The following CUX2 variants were observed in gnomAD, a reference collection of about 807,000 sequenced individuals.
The protein encoded by CUX2 is homeobox protein cut-like 2.
In CUX2, 40 loss-of-function variants were observed where a neutral mutation model predicts 144.8. That is an observed-to-expected ratio of 0.28 (90% CI 0.21 to 0.36). The LOEUF is 0.36. Among genes scored for constraint, CUX2 ranks in the 10% least tolerant of loss-of-function variants. CUX2 has a pLI of 1.00. For synonymous variants in CUX2, 827 were observed against 875.6 expected, an observed-to-expected ratio of 0.94 and a Z score of 0.98; for missense variants, 1,615 against 1,994.0, an observed-to-expected ratio of 0.81 and a Z score of 3.62.
chr12:111,058,388 T>C (rs1870620747), intron 1 of CUX2, among the ~76,000 whole-genome samples: 1 of 152,238 alleles, frequency 6.6e-6, no homozygotes, highest in Non-Finnish European at 1.5e-5. Context: ...CTTCGTTATG[T>C]AGAGCATCAA....
At chr12:111,135,442 A>G (rs1196926012) in intron 1 of CUX2, among the ~76,000 whole-genome samples, 3 of 152,218 alleles carry the variant, frequency 2.0e-5, no homozygotes, top group African/African-American at 7.2e-5. Flanking sequence ...TAAGTTAAAC[A>G]TAGACTTAAC....
At chr12:111,233,947 C>T (rs1882608772) in intron 3 of CUX2, among the ~76,000 whole-genome samples, 1 of 152,096 alleles carries the variant, frequency 6.6e-6, no homozygotes, top group African/African-American at 2.4e-5. Flanking sequence ...AGGCGTCTAC[C>T]ATCATCTGGT....
chr12:111,195,516 T>C (rs957077951), intron 1 of CUX2, among the ~76,000 whole-genome samples: 1 of 152,246 alleles, frequency 6.6e-6, no homozygotes, highest in South Asian at 2.1e-4. Flanking sequence ...AAATTGGTTC[T>C]TGCAAGCTTC....
chr12:111,189,182 G>A (rs1242676907), intron 1 of CUX2, among the ~76,000 whole-genome samples: 1 of 152,170 alleles, frequency 6.6e-6, no homozygotes, highest in Admixed American at 6.5e-5. Context: ...TGAGCTGGGA[G>A]GATCTCCTGA....
At chr12:111,144,510 A>G (rs1876537059) in intron 1 of CUX2, among the ~76,000 whole-genome samples, 1 of 152,128 alleles carries the variant, frequency 6.6e-6, no homozygotes, top group African/African-American at 2.4e-5. Flanking sequence ...CTGACCCCAG[A>G]TCCCCACACT....
rs1298861766 is a variant in CUX2 at position 111,035,329 on chromosome 12, A to G, written c.63+1089A>G. ...GTGGGAGTCTGTGTGCCTCCCCTAG[A>G]TTTGGAGGTGTTCTCTGCGGACCCC... is the stretch of plus-strand genomic sequence containing the variant. On this transcript the variant is annotated intron_variant, in intron 1 of 21. Coordinates refer to ENST00000261726, the MANE Select transcript of CUX2 (RefSeq NM_015267.4). The surrounding 1 kb of genome is among the most constrained non-coding windows in gnomAD (Gnocchi z 6.0). 6.6e-6 allele frequency among the ~76,000 whole-genome samples: 1 copy of G among 151,700 alleles called. No homozygotes were observed. The highest frequency in any genetic ancestry group is 1.5e-5 in the Non-Finnish European group (1 of 67,916).
At chr12:111,265,477 G>T (rs1198920735) in intron 4 of CUX2, among the ~76,000 whole-genome samples, 1 of 151,894 alleles carries the variant, frequency 6.6e-6, no homozygotes, top group Non-Finnish European at 1.5e-5. Context: ...GAGTAGCTGG[G>T]ATTACAGGCA....
chr12:111,074,298 A>G (rs1292642191), intron 1 of CUX2, among the ~76,000 whole-genome samples: 1 of 152,078 alleles, frequency 6.6e-6, no homozygotes, highest in African/African-American at 2.4e-5. Flanking sequence ...AGGTCTCTCG[A>G]AACAGATTGC....
In CUX2 at chr12:111,310,186, G is replaced by A. The variant is rs759220501; in HGVS notation, c.1404G>A (p.Leu468=). 50 of 1,540,814 alleles carry A rather than the reference G, an allele frequency of 3.2e-5. No individual in the cohort carries two copies. Among genetic ancestry groups the A allele is most frequent in the Non-Finnish European group, 3.7e-5 (42 of 1,144,932 alleles). The part of the protein sequence containing the change: ...SPGQPLLGPS[L]GPDGTRTFSL... ...GGCAGCCCCTGCTGGGCCCCAGCTT[G>A]GGGCCTGACGGCACTCGGACTTTCT... The change falls in exon 15 of 22, where the codon TTG becomes TTA. Residue 468 remains leucine (L), a synonymous_variant. Coordinates refer to ENST00000261726, the MANE Select transcript of CUX2 (RefSeq NM_015267.4). This position sits in a 1 kb window ranked among gnomAD's most constrained non-coding sequence, Gnocchi z 7.9.
chr12:111,040,900 A>G (rs1041069446), intron 1 of CUX2, among the ~76,000 whole-genome samples: 2 of 152,186 alleles, frequency 1.3e-5, no homozygotes, highest in Non-Finnish European at 2.9e-5. Context: ...TTGGCCTGAG[A>G]GCTGTAGTTT....
In CUX2 at chr12:111,069,555, C is replaced by T. The variant is rs532478985; in HGVS notation, c.63+35315C>T. Among the ~76,000 whole-genome samples, 92 of 140,806 alleles carry T rather than the reference C, an allele frequency of 6.5e-4. 1 individual carries two copies. In the East Asian group the frequency reaches 0.015, roughly 23 times the overall value. The allele number at this position is 140,806 out of a possible 152,430, so 92.4% of individuals were successfully genotyped here. On this transcript the variant is annotated intron_variant, in intron 1 of 21. Transcript: ENST00000261726. ...GTGTGTGTGTGTGTGTGTGTGTGCG[C>T]GCGCGTGTGTGTGTGTTATTTTCTC...
rs184379120 is a variant in CUX2 at position 111,099,484 on chromosome 12, G to T, written c.63+65244G>T. On this transcript the variant is annotated intron_variant, in intron 1 of 21. Coordinates refer to ENST00000261726, the MANE Select transcript of CUX2 (RefSeq NM_015267.4). ...GTTGGGTCACTGCTGGGAGGTATGA[G>T]GTGAGACTCGGGTTTGCAGGCAGGG... is the stretch of plus-strand genomic sequence containing the variant. The T allele has an allele frequency of 5.3e-3, 2,421 of 453,280 alleles. 23 individuals are homozygous for T. Among genetic ancestry groups the T allele is most frequent in the Middle Eastern group, 0.011 (34 of 2,988 alleles). 28.1% of individuals were successfully genotyped at this position (453,280 alleles called of 1,614,324 possible).
At chr12:111,189,832 C>T (rs1292536626) in intron 1 of CUX2, among the ~76,000 whole-genome samples, 2 of 152,118 alleles carry the variant, frequency 1.3e-5, no homozygotes, top group African/African-American at 4.8e-5. Context: ...TTTTGGTGAA[C>T]ATATTTCTCT....
At chr12:111,140,310 T>G (rs903391577) in intron 1 of CUX2, among the ~76,000 whole-genome samples, 2 of 152,152 alleles carry the variant, frequency 1.3e-5, no homozygotes, top group Non-Finnish European at 2.9e-5. Context: ...TGGCCATTGA[T>G]GGGGGACAAT....
In CUX2 at chr12:111,341,862, C is replaced by T; in HGVS notation, c.3468C>T (p.Pro1156=). The T allele has an allele frequency of 6.2e-7, 1 of 1,613,988 alleles. No homozygotes were observed. The highest frequency in any genetic ancestry group is 8.5e-7 in the Non-Finnish European group (1 of 1,180,016). Residue 1156 remains proline (P), a synonymous_variant, in exon 21 of 22, where the codon CCC becomes CCT. Transcript: ENST00000261726. ...SPATRSECPS[P]CLQPQDLSLL... is the part of the protein sequence containing the mutation. ...CCACCCGCTCAGAGTGCCCCAGCCC[C>T]TGCCTGCAGCCCCAGGACCTGAGCC...
At chr12:111,090,629 C>G (rs1872503424) in intron 1 of CUX2, among the ~76,000 whole-genome samples, 1 of 152,120 alleles carries the variant, frequency 6.6e-6, no homozygotes. Context: ...ACCTCCCCAT[C>G]TCTCGGCATC....
At chr12:111,132,715 C>T (rs376917714) in intron 1 of CUX2, among the ~76,000 whole-genome samples, 18 of 151,734 alleles carry the variant, frequency 1.2e-4, no homozygotes, top group African/African-American at 4.4e-4. Context: ...TACAGGCATC[C>T]ACCACCACGC....
chr12:111,151,669 C>T (rs766872030), intron 1 of CUX2, among the ~76,000 whole-genome samples: 6 of 152,026 alleles, frequency 3.9e-5, no homozygotes, highest in Non-Finnish European at 7.4e-5. Context: ...TGTCTGTCAC[C>T]GGCTCTCAAT....
chr12:111,278,285 A>G (rs1052561492), intron 4 of CUX2, among the ~76,000 whole-genome samples: 10 of 152,188 alleles, frequency 6.6e-5, no homozygotes, highest in Admixed American at 5.2e-4. Context: ...ACGTGATGGC[A>G]TGTGCCTGTG....
Sources: gnomAD v4.1 joint callset for allele counts (sites outside exome capture counted in the v4.1 genomes callset) on GRCh38, gnomAD v4.1.1 for gene constraint, Gnocchi (gnomAD v3.1) non-coding constraint, MANE v1.5 for transcripts, NCBI Gene and HGNC (gene_info 2026-07-23, HGNC 2026-07-21) for gene names.